ENDOD1: variants seen among roughly 807,000 people sequenced by gnomAD.
The protein encoded by ENDOD1 is endonuclease domain containing 1.
ENDOD1 carries 9 observed loss-of-function variants against 6.5 expected under a neutral mutation model. That is an observed-to-expected ratio of 1.39 (90% CI 0.84 to 2.43). The LOEUF (loss-of-function observed/expected upper bound fraction) is 2.43. Among genes scored for constraint, ENDOD1 ranks in the 30% most tolerant of loss-of-function variants. The probability of loss-of-function intolerance (pLI) is 0.00; values close to 1 mark genes in which losing one functional copy is unlikely to be tolerated. For missense variants in ENDOD1, 648 were observed against 635.5 expected (o/e 1.02, Z -0.21); for synonymous variants, 255 against 255.2 (o/e 1.00, Z 0.01).
intron 1 of ENDOD1, among the ~76,000 whole-genome samples, chr11:95,122,623 C>G (rs994184203): frequency 6.6e-6 from 1 of 150,880 alleles, no homozygotes; most frequent in Non-Finnish European, 1.5e-5. Flanking sequence ...CACACACACA[C>G]AGACACTTTA....
rs1273891740 is a variant in ENDOD1 at position 95,096,269 on chromosome 11, A to G, written c.300+6042A>G. Among the ~76,000 whole-genome samples, 10 of 82,010 alleles carry G rather than the reference A, an allele frequency of 1.2e-4. 1 individual carries two copies. The highest frequency in any genetic ancestry group is 4.0e-4 in the Admixed American group (2 of 4,942). The allele number at this position is 82,010 out of a possible 152,430, so 53.8% of individuals were successfully genotyped here. ...TTTTTTTTTCAAATTTCCTCCTTCA[A>G]GATGCATGTTATATCTTCTGAATGG... On this transcript the variant is annotated intron_variant, in intron 1 of 1. Coordinates refer to ENST00000278505, the MANE Select transcript of ENDOD1 (RefSeq NM_015036.3).
chr11:95,093,617 T>C (rs1340828303), intron 1 of ENDOD1, among the ~76,000 whole-genome samples: 3 of 152,246 alleles, frequency 2.0e-5, no homozygotes, highest in Non-Finnish European at 4.4e-5. Context: ...CTCATTCTTT[T>C]CCTAGTGCCC....
At position 95,090,084 on chromosome 11, in the gene ENDOD1, G is replaced by A; in HGVS notation, c.157G>A (p.Val53Met). The A allele has an allele frequency of 6.2e-7, 1 of 1,600,596 alleles. No individual in the cohort carries two copies. The highest frequency in any genetic ancestry group is 1.4e-5 in the African/African-American group (1 of 73,680). The change falls in exon 1 of 2, where the codon GTG becomes ATG. Residue 53 changes from valine (V) to methionine (M), a missense_variant. Val to Met is a conservative substitution (Grantham distance 21). Coordinates refer to ENST00000278505, the MANE Select transcript of ENDOD1 (RefSeq NM_015036.3). ...PPAGLAADSH[V>M]KICQRAEGAE... ...TGCGGGGCTGGCGGCCGATTCCCAC[G>A]TGAAGATCTGTCAGCGCGCGGAGGG...
At chr11:95,101,734 G>A (rs1364902348) in intron 1 of ENDOD1, among the ~76,000 whole-genome samples, 3 of 152,018 alleles carry the variant, frequency 2.0e-5, no homozygotes, top group African/African-American at 7.3e-5. Flanking sequence ...GCATTTCTTT[G>A]AACTCTATGA....
chr11:95,129,053 G>A lies in ENDOD1; in HGVS notation c.977G>A (p.Ser326Asn), dbSNP rs763683444. 15 of 1,613,900 alleles carry A rather than the reference G, an allele frequency of 9.3e-6. No individual in the cohort carries two copies. Among genetic ancestry groups the A allele is most frequent in the African/African-American group, 6.7e-5 (5 of 74,906 alleles). The change falls in exon 2 of 2, where the codon AGC becomes AAC. Residue 326 changes from serine (S) to asparagine (N), a missense_variant. Coordinates refer to ENST00000278505, the MANE Select transcript of ENDOD1 (RefSeq NM_015036.3). ...CCAGAGGCATCTGAGGGAAGTAGTAGCTTTTTGGGAAAACTCATGGGCTTC... is the reference window on the plus strand; with the variant it reads ...CCAGAGGCATCTGAGGGAAGTAGTAACTTTTTGGGAAAACTCATGGGCTTC... ...LPPEASEGSS[S>N]FLGKLMGFIA...
rs566613579 is a variant in ENDOD1, at chr11:95,108,046, C to T, written c.300+17819C>T. On this transcript the variant is annotated intron_variant, in intron 1 of 1. Coordinates refer to ENST00000278505, the MANE Select transcript of ENDOD1 (RefSeq NM_015036.3). Reference sequence around the variant, plus strand: ...TGTGATGAGCAGCCAGAGGTGTCCCCGGGAGAGTCTGTTTGCCCCCAGGCC... The same window carrying T: ...TGTGATGAGCAGCCAGAGGTGTCCCTGGGAGAGTCTGTTTGCCCCCAGGCC... Among the ~76,000 whole-genome samples the T allele has an allele frequency of 1.7e-3, 258 of 152,318 alleles. 1 individual carries two copies. Among genetic ancestry groups the T allele is most frequent in the Non-Finnish European group, 3.1e-3 (208 of 68,022 alleles).
intron 1 of ENDOD1, among the ~76,000 whole-genome samples, chr11:95,120,574 C>G (rs536434918): frequency 6.6e-6 from 1 of 152,108 alleles, no homozygotes. Flanking sequence ...TCTCTCTCTT[C>G]TTCTCAAGCA....
chr11:95,095,767 G>T (rs751568739), intron 1 of ENDOD1, among the ~76,000 whole-genome samples: 2 of 152,170 alleles, frequency 1.3e-5, no homozygotes, highest in Non-Finnish European at 2.9e-5. Context: ...GAGTAGTTAA[G>T]TAACTTATCC....
chr11:95,106,826 C>T (rs1292423690), intron 1 of ENDOD1, among the ~76,000 whole-genome samples: 1 of 152,030 alleles, frequency 6.6e-6, no homozygotes, highest in East Asian at 2.0e-4. Flanking sequence ...AGACACCCCC[C>T]CCTTTCCCCC....
chr11:95,110,436 A>G (rs1265463496), intron 1 of ENDOD1, among the ~76,000 whole-genome samples: 3 of 152,230 alleles, frequency 2.0e-5, no homozygotes, highest in Non-Finnish European at 2.9e-5. Flanking sequence ...TAGGCAGACA[A>G]GGAGTACAAG....
intron 1 of ENDOD1, among the ~76,000 whole-genome samples, chr11:95,103,834 A>G (rs1432381367): frequency 6.6e-6 from 1 of 152,210 alleles, no homozygotes; most frequent in Admixed American, 6.5e-5. Context: ...CATTGTGCCT[A>G]AACACTCGGC....
intron 1 of ENDOD1, among the ~76,000 whole-genome samples, chr11:95,109,048 G>A (rs1435338041): frequency 6.6e-6 from 1 of 152,146 alleles, no homozygotes; most frequent in African/African-American, 2.4e-5. Flanking sequence ...AGTTCACACA[G>A]CAGAAATAAA....
chr11:95,107,805 C>T (rs1555111566), intron 1 of ENDOD1, among the ~76,000 whole-genome samples: 1 of 152,112 alleles, frequency 6.6e-6, no homozygotes, highest in African/African-American at 2.4e-5. Flanking sequence ...GGATTACAGG[C>T]GCGCGCCACT....
intron 1 of ENDOD1, among the ~76,000 whole-genome samples, chr11:95,103,598 T>G (rs1859062111): frequency 6.6e-6 from 1 of 152,196 alleles, no homozygotes; most frequent in Non-Finnish European, 1.5e-5. Context: ...TCTCTCTCAC[T>G]AGATTGTTAG....
At position 95,126,646 on chromosome 11, in the gene ENDOD1, A is replaced by G. The variant is rs567863411; in HGVS notation, c.301-1731A>G. ...TCAACATTATAGCATATATTTTCTT[A>G]TCATTACGAACCCCTTTATAATTCC... On this transcript the variant is annotated intron_variant, in intron 1 of 1. Coordinates refer to ENST00000278505, the MANE Select transcript of ENDOD1 (RefSeq NM_015036.3). Among the ~76,000 whole-genome samples the G allele has an allele frequency of 1.9e-4, 29 of 152,272 alleles. No homozygotes were observed. The South Asian group carries it at 6.0e-3, about 32-fold the overall frequency.
intron 1 of ENDOD1, among the ~76,000 whole-genome samples, chr11:95,120,559 A>G (rs1198363611): frequency 1.6e-4 from 24 of 151,390 alleles, no homozygotes; most frequent in Admixed American, 1.6e-3. Flanking sequence ...AGTTCTTTCC[A>G]CTCTTCTCTC....
In ENDOD1 at chr11:95,129,673, A is replaced by G; in HGVS notation, c.*94A>G. 5.6e-6 allele frequency: 8 copies of G among 1,436,756 alleles called. No homozygotes were observed. The highest frequency in any genetic ancestry group is 2.3e-5 in the East Asian group (1 of 43,666). The allele number at this position is 1,436,756 out of a possible 1,614,324, so 89.0% of individuals were successfully genotyped here. On this transcript the variant is annotated 3_prime_UTR_variant, in exon 2 of 2. Coordinates refer to ENST00000278505, the MANE Select transcript of ENDOD1 (RefSeq NM_015036.3). ...TTTCTGTTCACTGTCAGTTATCATT[A>G]TATTTTGGCCTTTGGTGGGGATGTC...
intron 1 of ENDOD1, among the ~76,000 whole-genome samples, chr11:95,097,312 GAAGT>G (rs1356761473): frequency 6.6e-6 from 1 of 152,160 alleles, no homozygotes; most frequent in African/African-American, 2.4e-5. Context: ...AGACATGAAA[GAAGT>G]AAGAAAGCCA....
chr11:95,129,999 G>T lies in ENDOD1; in HGVS notation c.*420G>T. ...TTCCCATTGCTCTTTGTGATTTAAG[G>T]CAAAACAGATTAAAAAAAAAATCTG... On this transcript the variant is annotated 3_prime_UTR_variant, in exon 2 of 2. Coordinates refer to ENST00000278505, the MANE Select transcript of ENDOD1 (RefSeq NM_015036.3). 1 of 154,908 alleles carries T rather than the reference G, an allele frequency of 6.5e-6. No homozygotes were observed. The highest frequency in any genetic ancestry group is 1.4e-5 in the Non-Finnish European group (1 of 70,032). The allele number at this position is 154,908 out of a possible 1,614,324, so 9.6% of individuals were successfully genotyped here.
Sources: allele counts gnomAD v4.1 joint callset (sites outside exome capture counted in the v4.1 genomes callset), GRCh38; gene constraint gnomAD v4.1.1; transcripts MANE v1.5; gene names NCBI Gene and HGNC (gene_info 2026-07-23, HGNC 2026-07-21).